Variants in AP3S1 observed in about 807,000 individuals in gnomAD.
AP3S1 encodes adaptor related protein complex 3 subunit sigma 1.
AP3S1 carries 12 observed loss-of-function variants against 21.3 expected under a neutral mutation model. That is an observed-to-expected ratio of 0.56 (90% confidence interval 0.36 to 0.91). The LOEUF is 0.91. AP3S1 is among the 40% of genes least tolerant of loss of function. The pLI is 0.01. For synonymous variants in AP3S1, 48 were observed against 78.4 expected, an observed-to-expected ratio of 0.61 and a Z score of 2.05; for missense variants, 116 against 225.0, an observed-to-expected ratio of 0.52 and a Z score of 3.10.
chr5:115,911,867 C>T (rs1752138987), intron 5 of AP3S1, among the ~76,000 whole-genome samples: 1 of 151,954 alleles, frequency 6.6e-6, no homozygotes, highest in South Asian at 2.1e-4. Context: ...TTTAGTTGTA[C>T]ATCAAAAATA....
chr5:115,864,032 A>AT (rs1763409237), intron 1 of AP3S1, among the ~76,000 whole-genome samples: 1 of 152,210 alleles, frequency 6.6e-6, no homozygotes, highest in Non-Finnish European at 1.5e-5. Flanking sequence ...CACAAAAGAT[A>AT]TTTTTTAGTA....
intron 1 of AP3S1, among the ~76,000 whole-genome samples, chr5:115,865,921 C>G (rs1347165232): frequency 2.0e-5 from 3 of 152,182 alleles, no homozygotes; most frequent in Non-Finnish European, 4.4e-5. Flanking sequence ...GCTTCAGCCT[C>G]CCGAGTAGCT....
chr5:115,860,812 A>G (rs1438637860), intron 1 of AP3S1, among the ~76,000 whole-genome samples: 1 of 152,206 alleles, frequency 6.6e-6, no homozygotes, highest in African/African-American at 2.4e-5. Flanking sequence ...TGGGCAGGCA[A>G]CAAAGGCAGA....
chr5:115,865,870 C>G (rs1763571083), intron 1 of AP3S1, among the ~76,000 whole-genome samples: 1 of 152,204 alleles, frequency 6.6e-6, no homozygotes, highest in Non-Finnish European at 1.5e-5. Flanking sequence ...GCGATCTCAG[C>G]TCACTGTAAT....
intron 5 of AP3S1, 107 bp downstream of exon 5, chr5:115,903,099 GC>G (rs1428301042): frequency 2.5e-6 from 2 of 786,840 alleles, no homozygotes; most frequent in African/African-American, 3.5e-5. Flanking sequence ...TTTAGGTTCA[GC>G]CGTTATGCTT....
chr5:115,852,864 C>T (rs1762537825), intron 1 of AP3S1: 4 of 308,454 alleles, frequency 1.3e-5, no homozygotes, highest in South Asian at 3.0e-5. Context: ...CTTGTTTGTC[C>T]ATTTATCAAT....
At chr5:115,852,608 G>T (rs906915680) in intron 1 of AP3S1, among the ~76,000 whole-genome samples, 3 of 151,918 alleles carry the variant, frequency 2.0e-5, no homozygotes, top group Non-Finnish European at 2.9e-5. Flanking sequence ...GTAACTATTA[G>T]CAGTCACTTT....
chr5:115,868,728 A>G (rs529981826), intron 2 of AP3S1, among the ~76,000 whole-genome samples: 3 of 151,826 alleles, frequency 2.0e-5, no homozygotes, highest in Admixed American at 1.3e-4. Flanking sequence ...CTAAAAGTAC[A>G]AAAATCAGCC....
intron 1 of AP3S1, among the ~76,000 whole-genome samples, chr5:115,857,305 A>C (rs2112799250): frequency 6.6e-6 from 1 of 152,368 alleles, no homozygotes; most frequent in African/African-American, 2.4e-5. Context: ...GCCAGATATC[A>C]TTCTACAAGT....
At chr5:115,888,947 C>T (rs982776143) in intron 3 of AP3S1, among the ~76,000 whole-genome samples, 32 of 151,916 alleles carry the variant, frequency 2.1e-4, no homozygotes, top group Non-Finnish European at 4.1e-4. Context: ...TCTTATAGTT[C>T]TGAGATTTAA....
intron 1 of AP3S1, among the ~76,000 whole-genome samples, chr5:115,844,539 A>C (rs1430649297): frequency 6.6e-6 from 1 of 152,200 alleles, no homozygotes; most frequent in African/African-American, 2.4e-5. Context: ...CAGCAAATGC[A>C]AAAACCCTGA....
chr5:115,863,299 A>T (rs796676928), intron 1 of AP3S1, among the ~76,000 whole-genome samples: 27 of 152,342 alleles, frequency 1.8e-4, no homozygotes, highest in African/African-American at 6.3e-4. Context: ...TGGGAGGCTG[A>T]GGCAGGAGAA....
chr5:115,889,547 A>T (rs969941598), intron 3 of AP3S1, among the ~76,000 whole-genome samples: 1 of 152,226 alleles, frequency 6.6e-6, no homozygotes, highest in Admixed American at 6.5e-5. Context: ...AAGAAAACTG[A>T]AAAATTGGAT....
intron 4 of AP3S1, among the ~76,000 whole-genome samples, chr5:115,898,090 A>G (rs1247097095): frequency 1.3e-5 from 2 of 152,200 alleles, no homozygotes; most frequent in Non-Finnish European, 2.9e-5. Flanking sequence ...CATATTCCAC[A>G]TGCTGTCATT....
At chr5:115,906,340 G>A (rs1274240316) in intron 5 of AP3S1, among the ~76,000 whole-genome samples, 2 of 152,046 alleles carry the variant, frequency 1.3e-5, no homozygotes, top group African/African-American at 4.8e-5. Flanking sequence ...ATTTATCTAG[G>A]GGCCTTTGTC....
intron 1 of AP3S1, among the ~76,000 whole-genome samples, chr5:115,843,905 G>A (rs1484680442): frequency 6.6e-6 from 1 of 152,252 alleles, no homozygotes; most frequent in Non-Finnish European, 1.5e-5. Flanking sequence ...AATGTGGGAA[G>A]TGGCAGTTTT....
chr5:115,902,043 G>A (rs986858465), intron 4 of AP3S1, among the ~76,000 whole-genome samples: 2 of 151,936 alleles, frequency 1.3e-5, no homozygotes, highest in African/African-American at 2.4e-5. Flanking sequence ...TCTCTATTTC[G>A]TAAATAAGGT....
intron 5 of AP3S1, among the ~76,000 whole-genome samples, chr5:115,905,432 G>A (rs997558057): frequency 6.6e-6 from 1 of 151,992 alleles, no homozygotes; most frequent in African/African-American, 2.4e-5. Context: ...TTGTTATCTG[G>A]TACCAAATTA....
chr5:115,897,112 C>A (rs1750816774), intron 4 of AP3S1, among the ~76,000 whole-genome samples: 1 of 152,150 alleles, frequency 6.6e-6, no homozygotes, highest in African/African-American at 2.4e-5. Flanking sequence ...ATGTGAAAAT[C>A]ATCCCTATCC....
Sources: gnomAD v4.1 joint callset for allele counts (sites outside exome capture counted in the v4.1 genomes callset) on GRCh38, gnomAD v4.1.1 for gene constraint, MANE v1.5 for transcripts, NCBI Gene and HGNC (gene_info 2026-07-23, HGNC 2026-07-21) for gene names.